The following RBFOX3 variants were observed in gnomAD, a reference collection of about 807,000 sequenced individuals.
RBFOX3 encodes the protein RNA binding fox-1 homolog 3, also known as RNA binding protein fox-1 homolog 3.
Under a neutral mutation model 48.7 loss-of-function variants are expected in RBFOX3, and 17 were observed. The ratio of observed to expected loss-of-function variants is 0.35; its 90% CI spans 0.24 to 0.52. The LOEUF (loss-of-function observed/expected upper bound fraction) is 0.52, where lower values mean the gene tolerates loss of function less well. RBFOX3 is among the 20% of genes least tolerant of loss of function. The probability of loss-of-function intolerance (pLI) is 0.94; values close to 1 mark genes in which losing one functional copy is unlikely to be tolerated. For synonymous variants in RBFOX3, 212 were observed against 209.5 expected, an observed-to-expected ratio of 1.01 and a Z score of -0.10; for missense variants, 382 against 497.5, an observed-to-expected ratio of 0.77 and a Z score of 2.21.
chr17:79,095,657 C>T (rs138199975), intron 12 of RBFOX3, 83 bp from the exon 13 acceptor site: 12 of 1,280,772 alleles, frequency 9.4e-6, no homozygotes, highest in Admixed American at 8.1e-5. Context: ...AGGAGACAGA[C>T]CCTGTGCGGG....
At chr17:79,222,954 AT>A (rs1207489535) in intron 4 of RBFOX3, among the ~76,000 whole-genome samples, 2 of 152,034 alleles carry the variant, frequency 1.3e-5, no homozygotes, top group Non-Finnish European at 2.9e-5. Flanking sequence ...ACAGTGGTGA[AT>A]TTCTGGCTGC....
At chr17:79,378,968 G>C (rs960631590) in intron 2 of RBFOX3, among the ~76,000 whole-genome samples, 4 of 152,136 alleles carry the variant, frequency 2.6e-5, no homozygotes, top group Non-Finnish European at 4.4e-5. Flanking sequence ...CACAAGCTTC[G>C]GAAAGCGGGT....
Position 79,214,915 on chromosome 17 carries a change from G to A in RBFOX3, c.-34+20851C>T, listed in dbSNP as rs900606420. Among the ~76,000 whole-genome samples, 9 of 152,138 alleles carry A rather than the reference G, an allele frequency of 5.9e-5. No individual in the cohort carries two copies. The highest frequency in any genetic ancestry group is 1.7e-4 in the African/African-American group (7 of 41,424). On this transcript the variant is annotated intron_variant, in intron 4 of 14. Transcript: ENST00000693108. This position sits in a 1 kb window ranked among gnomAD's most constrained non-coding sequence, Gnocchi z 4.7. ...GTTCTTTATTTCTCTGGCAATTACC[G>A]CTAATTTGGAGACGTTCTGCCTTGG...
At chr17:79,610,473 C>T (rs1040583387) in intron 1 of RBFOX3, among the ~76,000 whole-genome samples, 105 of 152,144 alleles carry the variant, frequency 6.9e-4, no homozygotes, top group African/African-American at 2.4e-3. Context: ...CCACCGCCAC[C>T]GCCACCGCCA....
chr17:79,485,695 G>A (rs1171425883), intron 1 of RBFOX3, among the ~76,000 whole-genome samples: 60 of 152,292 alleles, frequency 3.9e-4, no homozygotes, highest in African/African-American at 1.3e-3. Context: ...TGCAGCCGCC[G>A]GCTTAGAAGA....
intron 4 of RBFOX3, among the ~76,000 whole-genome samples, chr17:79,187,856 G>C (rs1002653939): frequency 3.3e-5 from 5 of 152,016 alleles, no homozygotes; most frequent in Non-Finnish European, 7.4e-5. Context: ...AGACACCATG[G>C]GGGAAGGTCA....
intron 4 of RBFOX3, among the ~76,000 whole-genome samples, chr17:79,121,735 CCTGT>C (rs1315307804): frequency 1.3e-5 from 2 of 152,266 alleles, no homozygotes; most frequent in African/African-American, 4.8e-5. Flanking sequence ...ATTGCTGATT[CCTGT>C]CTATCTCTCC....
intron 2 of RBFOX3, among the ~76,000 whole-genome samples, chr17:79,381,998 G>A (rs779016722): frequency 1.1e-4 from 17 of 152,290 alleles, no homozygotes; most frequent in East Asian, 3.9e-4. Context: ...CATGCACTCC[G>A]ATACCCTTCC....
the RBFOX3 span, among the ~76,000 whole-genome samples, chr17:79,624,101 C>T: frequency 2.0e-5 from 3 of 152,226 alleles, no homozygotes; most frequent in African/African-American, 4.8e-5. Context: ...ACCTCCAGAA[C>T]GGCAAGATAA....
intron 1 of RBFOX3, among the ~76,000 whole-genome samples, chr17:79,588,833 C>T (rs981856234): frequency 3.3e-4 from 48 of 146,332 alleles, no homozygotes; most frequent in Admixed American, 1.1e-3. Context: ...GGCAATATAG[C>T]GAGATCCCAT....
chr17:79,374,048 A>C (rs532339680), intron 2 of RBFOX3, among the ~76,000 whole-genome samples: 1 of 152,238 alleles, frequency 6.6e-6, no homozygotes, highest in East Asian at 1.9e-4. Flanking sequence ...CTTTTAGTAG[A>C]GACGGGGTTT....
At position 79,534,925 on chromosome 17, in the gene RBFOX3, A is replaced by T. The variant is rs543441041; in HGVS notation, c.-319-52327T>A. On this transcript the variant is annotated intron_variant, in intron 1 of 14. Coordinates refer to ENST00000693108, the MANE Select transcript of RBFOX3 (RefSeq NM_001350451.2). ...AGAGACTGGGCCCACAGAGACAAAG[A>T]CCAGGGGGAGAAATACGGGAGAGTC... Among the ~76,000 whole-genome samples the T allele has an allele frequency of 3.9e-5, 6 of 152,248 alleles. No individual in the cohort carries two copies. In the South Asian group the frequency reaches 1.2e-3, roughly 32 times the overall value.
Position 79,195,273 on chromosome 17 carries a change from G to A in RBFOX3, c.-34+40493C>T, listed in dbSNP as rs1420626255. Among the ~76,000 whole-genome samples, 6 of 151,954 alleles carry A rather than the reference G, an allele frequency of 3.9e-5. No homozygotes were observed. Among genetic ancestry groups the A allele is most frequent in the Non-Finnish European group, 7.4e-5 (5 of 67,976 alleles). On this transcript the variant is annotated intron_variant, in intron 4 of 14. Transcript: ENST00000693108. This position sits in a 1 kb window ranked among gnomAD's most constrained non-coding sequence, Gnocchi z 5.3. ...TAAGCCGGACATGGTGGTGGCTCTC[G>A]TGCGTACAGTCCCAGCTACTCAGGA...
Position 79,597,088 on chromosome 17 carries a change from G to A in RBFOX3, c.-320+13738C>T, listed in dbSNP as rs971322947. Reference sequence around the variant, plus strand: ...CACACGTAAGAAAGGACTTCACAAGGGAGACCTCCGTGGCTGCCACACACA... The same window carrying A: ...CACACGTAAGAAAGGACTTCACAAGAGAGACCTCCGTGGCTGCCACACACA... On this transcript the variant is annotated intron_variant, in intron 1 of 14. Transcript: ENST00000693108. Among the ~76,000 whole-genome samples the A allele has an allele frequency of 1.8e-3, 279 of 152,284 alleles. 1 individual carries two copies. Among genetic ancestry groups the A allele is most frequent in the Middle Eastern group, 3.4e-3 (1 of 294 alleles).
In RBFOX3 at chr17:79,597,551, G is replaced by C. The variant is rs970769544; in HGVS notation, c.-320+13275C>G. On this transcript the variant is annotated intron_variant, in intron 1 of 14. Coordinates refer to ENST00000693108, the MANE Select transcript of RBFOX3 (RefSeq NM_001350451.2). ...CCTGACAGGAGGAAGGGATGCCCTA[G>C]TGAGGTGGGAAACAGAGGGAGAGGT... 4.2e-4 allele frequency among the ~76,000 whole-genome samples: 64 copies of C among 152,356 alleles called. 1 individual carries two copies. The highest frequency in any genetic ancestry group is 1.5e-3 in the African/African-American group (64 of 41,586).
chr17:79,346,303 T>C (rs1394573258), intron 2 of RBFOX3, among the ~76,000 whole-genome samples: 1 of 152,226 alleles, frequency 6.6e-6, no homozygotes, highest in Non-Finnish European at 1.5e-5. Flanking sequence ...AGAGATCTAA[T>C]AGTGTACTTT....
At chr17:79,478,073 C>T (rs1383134139) in intron 2 of RBFOX3, among the ~76,000 whole-genome samples, 4 of 152,324 alleles carry the variant, frequency 2.6e-5, no homozygotes, top group South Asian at 2.1e-4. Context: ...TGCCAAGCAA[C>T]GCTCATGTGC....
intron 3 of RBFOX3, among the ~76,000 whole-genome samples, chr17:79,274,986 C>A (rs79013292): frequency 2.1e-5 from 3 of 144,208 alleles, no homozygotes; most frequent in Non-Finnish European, 4.6e-5. Context: ...ACCCCACCCC[C>A]GTCCCACCTC....
chr17:79,177,999 C>G (rs1165266847), intron 4 of RBFOX3, among the ~76,000 whole-genome samples: 4 of 152,136 alleles, frequency 2.6e-5, no homozygotes, highest in Non-Finnish European at 5.9e-5. Flanking sequence ...TGGCTGCGCA[C>G]AGCCCACATG....
Sources: allele counts gnomAD v4.1 joint callset (sites outside exome capture counted in the v4.1 genomes callset), GRCh38; gene constraint gnomAD v4.1.1; non-coding constraint Gnocchi (gnomAD v3.1); transcripts MANE v1.5; gene names NCBI Gene and HGNC (gene_info 2026-07-23, HGNC 2026-07-21).